Variants in NFILZ observed in about 807,000 individuals in gnomAD.
NFILZ encodes the protein NFIL3 like protein.
At chr19:8,643,260 A>C (rs1156792768) in intron 3 of NFILZ, among the ~76,000 whole-genome samples, 1 of 152,102 alleles carries the variant, frequency 6.6e-6, no homozygotes, top group Non-Finnish European at 1.5e-5. Flanking sequence ...AAGGATTTTG[A>C]CTCTAAAGAT....
chr19:8,643,665 C>T lies in NFILZ; in HGVS notation c.-164+7919C>T, dbSNP rs114751554. ...TTCTACCCCTGGTGCTCCTGGCTCT[C>T]AGGCCTTCAGACCTGGCTTGGAATC... is the stretch of plus-strand genomic sequence containing the variant. On this transcript the variant is annotated intron_variant, in intron 3 of 5. Coordinates refer to ENST00000691075, the MANE Select transcript of NFILZ (RefSeq NM_001378600.1). 5.1e-3 allele frequency among the ~76,000 whole-genome samples: 780 copies of T among 152,300 alleles called. 8 individuals are homozygous for T. Among genetic ancestry groups the T allele is most frequent in the African/African-American group, 0.018 (735 of 41,560 alleles).
chr19:8,633,121 A>G (rs919197328), intron 2 of NFILZ, among the ~76,000 whole-genome samples: 15 of 149,112 alleles, frequency 1.0e-4, no homozygotes, highest in Admixed American at 5.4e-4. Context: ...CCTGGGTTCA[A>G]GGGATTCTCC....
intron 3 of NFILZ, among the ~76,000 whole-genome samples, chr19:8,655,592 C>T (rs577217028): frequency 1.7e-4 from 26 of 152,298 alleles, no homozygotes; most frequent in Non-Finnish European, 2.9e-4. Context: ...TGATGAGGCT[C>T]ACGTGGGACT....
At chr19:8,643,678 C>G (rs1318500887) in intron 3 of NFILZ, among the ~76,000 whole-genome samples, 1 of 152,184 alleles carries the variant, frequency 6.6e-6, no homozygotes, top group Non-Finnish European at 1.5e-5. Flanking sequence ...GCCTTCAGAC[C>G]TGGCTTGGAA....
intron 3 of NFILZ, among the ~76,000 whole-genome samples, chr19:8,661,104 T>TCCCTCCATTCC (rs2043029417): frequency 3.3e-5 from 1 of 30,310 alleles, no homozygotes; most frequent in Non-Finnish European, 6.4e-5. Context: ...CCCTTCCTCC[T>TCCCTCCATTCC]TCCTTCCTTC....
chr19:8,636,558 C>T (rs2042895740), intron 3 of NFILZ, among the ~76,000 whole-genome samples: 1 of 150,778 alleles, frequency 6.6e-6, no homozygotes, highest in South Asian at 2.1e-4. Context: ...AATTCTCCTC[C>T]CTTAGCCTCC....
At chr19:8,676,502 A>G (rs542032825) in intron 5 of NFILZ, among the ~76,000 whole-genome samples, 46 bp downstream of exon 5, 4 of 152,152 alleles carry the variant, frequency 2.6e-5, no homozygotes, top group Non-Finnish European at 5.9e-5. Context: ...CTGAGGGTAC[A>G]GGGTTGAACC....
At chr19:8,661,319 C>T (rs902414038) in intron 3 of NFILZ, among the ~76,000 whole-genome samples, 2 of 151,602 alleles carry the variant, frequency 1.3e-5, no homozygotes, top group Admixed American at 6.6e-5. Flanking sequence ...TGCACCACCA[C>T]GCCTGGCTAG....
chr19:8,666,895 C>T (rs1033767620), intron 3 of NFILZ, among the ~76,000 whole-genome samples: 3 of 149,706 alleles, frequency 2.0e-5, no homozygotes, highest in Admixed American at 6.7e-5. Flanking sequence ...CCACCATGCC[C>T]GGCTAATTTT....
intron 3 of NFILZ, among the ~76,000 whole-genome samples, chr19:8,644,055 C>G (rs1198184531): frequency 6.6e-6 from 1 of 152,124 alleles, no homozygotes; most frequent in East Asian, 1.9e-4. Context: ...CGTATTGAAG[C>G]CCCAAACCCC....
chr19:8,640,297 A>G (rs987058962), intron 3 of NFILZ, among the ~76,000 whole-genome samples: 8 of 143,438 alleles, frequency 5.6e-5, no homozygotes, highest in Admixed American at 7.3e-5. Context: ...TGTAGCAAGA[A>G]CCTATTGTTC....
Position 8,639,625 on chromosome 19 carries a change from A to G in NFILZ, c.-164+3879A>G, listed in dbSNP as rs8105462. Among the ~76,000 whole-genome samples, 1,511 of 151,710 alleles carry G rather than the reference A, an allele frequency of 1.0e-2. 27 individuals are homozygous for G. Among genetic ancestry groups the G allele is most frequent in the African/African-American group, 0.035 (1,443 of 41,354 alleles). On this transcript the variant is annotated intron_variant, in intron 3 of 5. Transcript: ENST00000691075. The stretch of plus-strand genomic sequence containing the variant: ...AAAAAAAAAAAAAAAAGATTTGCAG[A>G]AAGTACTCAAGCTTTTACCCTGGGA...
At chr19:8,631,138 G>A (rs2042867813) in intron 1 of NFILZ, among the ~76,000 whole-genome samples, 1 of 152,092 alleles carries the variant, frequency 6.6e-6, no homozygotes, top group African/African-American at 2.4e-5. Flanking sequence ...TTTCTGGAAG[G>A]GATACAGGAA....
intron 3 of NFILZ, among the ~76,000 whole-genome samples, chr19:8,660,956 C>T (rs1486964494): frequency 6.8e-6 from 1 of 147,346 alleles, no homozygotes; most frequent in Non-Finnish European, 1.5e-5. Flanking sequence ...CTTCCTCCCT[C>T]CCTCCCTCCT....
At chr19:8,675,514 A>T (rs1182753527) in intron 4 of NFILZ, among the ~76,000 whole-genome samples, 1 of 152,184 alleles carries the variant, frequency 6.6e-6, no homozygotes, top group Non-Finnish European at 1.5e-5. Flanking sequence ...CTCTACCCCC[A>T]ATTACCAACC....
chr19:8,650,763 A>G (rs1555747641), intron 3 of NFILZ, among the ~76,000 whole-genome samples: 1 of 152,062 alleles, frequency 6.6e-6, no homozygotes, highest in Non-Finnish European at 1.5e-5. Flanking sequence ...TCCAGTACAG[A>G]ATTTACTTGG....
intron 3 of NFILZ, among the ~76,000 whole-genome samples, chr19:8,638,844 G>GTTTT (rs541846743): frequency 2.9e-5 from 4 of 135,602 alleles, no homozygotes; most frequent in African/African-American, 1.1e-4. Flanking sequence ...TTACTTTGCT[G>GTTTT]TTTTTTTTTT....
chr19:8,667,366 C>G (rs1424475080), intron 3 of NFILZ, among the ~76,000 whole-genome samples: 2 of 152,082 alleles, frequency 1.3e-5, no homozygotes, highest in Non-Finnish European at 2.9e-5. Context: ...CTCAGTTTTT[C>G]CTTCTACGAG....
chr19:8,657,116 C>A (rs534565295), intron 3 of NFILZ, among the ~76,000 whole-genome samples: 1 of 150,392 alleles, frequency 6.6e-6, no homozygotes, highest in African/African-American at 2.4e-5. Flanking sequence ...GTTTTCGCTC[C>A]GGTGGGAGGT....
Sources: allele counts gnomAD v4.1 joint callset (sites outside exome capture counted in the v4.1 genomes callset), GRCh38; gene constraint gnomAD v4.1.1; transcripts MANE v1.5; gene names NCBI Gene and HGNC (gene_info 2026-07-23, HGNC 2026-07-21).